The following ELL variants were observed in gnomAD, a reference collection of about 807,000 sequenced individuals.
ELL encodes the protein RNA polymerase II elongation factor ELL.
Under a neutral mutation model 64.0 loss-of-function variants are expected in ELL, and 18 were observed. The observed-to-expected ratio is 0.28, with a 90% CI of 0.19 to 0.42. The LOEUF (loss-of-function observed/expected upper bound fraction) is 0.42, where lower values mean the gene tolerates loss of function less well. ELL is among the 10% of genes least tolerant of loss of function. The pLI is 1.00. For missense variants in ELL, 797 were observed against 870.4 expected, an observed-to-expected ratio of 0.92 and a Z score of 1.06; for synonymous variants, 399 against 376.2, an observed-to-expected ratio of 1.06 and a Z score of -0.70.
chr19:18,515,073 T>C (rs1220904886), intron 1 of ELL, among the ~76,000 whole-genome samples: 1 of 152,180 alleles, frequency 6.6e-6, no homozygotes, highest in South Asian at 2.1e-4. Flanking sequence ...GGTTTCCGAG[T>C]GAGCGCTGCC....
At chr19:18,505,371 C>T (rs1002531759) in intron 1 of ELL, among the ~76,000 whole-genome samples, 4 of 152,224 alleles carry the variant, frequency 2.6e-5, no homozygotes, top group Admixed American at 1.3e-4. Flanking sequence ...CACCCTCCCA[C>T]GGGCAAGGGC....
chr19:18,447,583 T>G (rs1018737258), intron 8 of ELL, among the ~76,000 whole-genome samples: 1 of 152,216 alleles, frequency 6.6e-6, no homozygotes, highest in Non-Finnish European at 1.5e-5. Context: ...GTCCTGCTCC[T>G]GAGCCATGTG....
chr19:18,466,301 T>G (rs1477477968), intron 2 of ELL, among the ~76,000 whole-genome samples: 1 of 152,200 alleles, frequency 6.6e-6, no homozygotes, highest in Non-Finnish European at 1.5e-5. Context: ...TGGACAGACC[T>G]GGCCTGCGAC....
At chr19:18,465,390 C>G in intron 4 of ELL, 22 bp downstream of exon 4, 1 of 1,576,100 alleles carries the variant, frequency 6.3e-7, no homozygotes, top group Non-Finnish European at 8.6e-7. Flanking sequence ...TGCCCTACAG[C>G]CCTGCCAAAC....
At position 18,461,559 on chromosome 19, in the gene ELL, A is replaced by G; in HGVS notation, c.744+19T>C. 1.3e-6 allele frequency: 2 copies of G among 1,580,572 alleles called. No homozygotes were observed. The highest frequency in any genetic ancestry group is 2.7e-5 in the African/African-American group (2 of 74,836). On this transcript the variant is annotated intron_variant, in intron 5 of 11. Transcript: ENST00000262809. ...TGCGGAGACCACTGGTAAAGACAAGACATCGGGGCGGCACCCACCTGCTGG... is the reference window on the plus strand; with the variant it reads ...TGCGGAGACCACTGGTAAAGACAAGGCATCGGGGCGGCACCCACCTGCTGG...
At chr19:18,457,623 C>T (rs1292394401) in intron 6 of ELL, among the ~76,000 whole-genome samples, 3 of 152,184 alleles carry the variant, frequency 2.0e-5, no homozygotes, top group Admixed American at 6.5e-5. Context: ...CTTCACAGCC[C>T]GAGCTCCCCT....
intron 11 of ELL, 33 bp from the exon 12 acceptor site, chr19:18,444,901 G>A (rs1238605120): frequency 6.3e-7 from 1 of 1,589,956 alleles, no homozygotes; most frequent in East Asian, 2.2e-5. Flanking sequence ...TCAGGACAGA[G>A]CCGCCCTGGG....
At chr19:18,502,674 C>T (rs1221644211) in intron 1 of ELL, among the ~76,000 whole-genome samples, 1 of 152,148 alleles carries the variant, frequency 6.6e-6, no homozygotes, top group East Asian at 1.9e-4. Flanking sequence ...GAGAGAGGGC[C>T]CAATGACAAC....
At chr19:18,469,353 C>T (rs959233477) in intron 2 of ELL, among the ~76,000 whole-genome samples, 6 of 152,196 alleles carry the variant, frequency 3.9e-5, no homozygotes, top group Admixed American at 3.9e-4. Context: ...TAATGGTTAC[C>T]AGCCCGGGAC....
intron 1 of ELL, among the ~76,000 whole-genome samples, chr19:18,518,422 C>T (rs887704861): frequency 2.7e-5 from 4 of 149,532 alleles, no homozygotes; most frequent in East Asian, 2.0e-4. Flanking sequence ...GGTGGTAGTT[C>T]GAGGCTGCAG....
At chr19:18,485,801 A>G (rs1299507983) in intron 1 of ELL, among the ~76,000 whole-genome samples, 3 of 152,092 alleles carry the variant, frequency 2.0e-5, no homozygotes, top group African/African-American at 7.2e-5. Context: ...CCTGGTTAAC[A>G]CGGTGAAACC....
intron 2 of ELL, among the ~76,000 whole-genome samples, chr19:18,467,367 G>A (rs568827516): frequency 3.7e-4 from 57 of 152,136 alleles, no homozygotes; most frequent in African/African-American, 1.2e-3. Context: ...GTCCCCCTAA[G>A]GCAGGTGCCC....
intron 1 of ELL, among the ~76,000 whole-genome samples, chr19:18,503,677 G>A (rs1975826541): frequency 6.6e-6 from 1 of 152,170 alleles, no homozygotes; most frequent in Non-Finnish European, 1.5e-5. Flanking sequence ...GGGAAGGGAC[G>A]GGACCTGTTA....
At chr19:18,472,417 C>T (rs979919135) in intron 2 of ELL, 13 of 188,230 alleles carry the variant, frequency 6.9e-5, no homozygotes, top group Admixed American at 2.9e-4. Context: ...CAATAGGGTT[C>T]GCGCTCCTGT....
chr19:18,515,214 C>A (rs1371078697), intron 1 of ELL, among the ~76,000 whole-genome samples: 1 of 152,242 alleles, frequency 6.6e-6, no homozygotes, highest in Non-Finnish European at 1.5e-5. Context: ...AGCTCGGGCC[C>A]ACAGACTCAA....
chr19:18,509,478 GGCC>G (rs1975951875), intron 1 of ELL, among the ~76,000 whole-genome samples: 1 of 151,980 alleles, frequency 6.6e-6, no homozygotes, highest in Non-Finnish European at 1.5e-5. Flanking sequence ...GCCCCCACCC[GGCC>G]CCTTGGCCCA....
chr19:18,516,102 G>T (rs1363719643), intron 1 of ELL, among the ~76,000 whole-genome samples: 2 of 152,098 alleles, frequency 1.3e-5, no homozygotes, highest in Non-Finnish European at 2.9e-5. Context: ...GGGAAGGGAA[G>T]ATAAGTCGGG....
intron 2 of ELL, among the ~76,000 whole-genome samples, chr19:18,472,126 C>A (rs1975076321): frequency 6.6e-6 from 1 of 152,070 alleles, no homozygotes; most frequent in African/African-American, 2.4e-5. Flanking sequence ...CCACACCCAG[C>A]TAATTTTGTA....
At chr19:18,464,391 AAC>A (rs1242819880) in intron 4 of ELL, among the ~76,000 whole-genome samples, 3 of 152,220 alleles carry the variant, frequency 2.0e-5, no homozygotes, top group Admixed American at 6.5e-5. Flanking sequence ...CAAAAAACAA[AAC>A]ACGCTGTCTC....
Sources: gnomAD v4.1 joint callset for allele counts (sites outside exome capture counted in the v4.1 genomes callset) on GRCh38, gnomAD v4.1.1 for gene constraint, MANE v1.5 for transcripts, NCBI Gene and HGNC (gene_info 2026-07-23, HGNC 2026-07-21) for gene names.